Variants in ZC3H11A observed in about 807,000 individuals in gnomAD.
ZC3H11A encodes the protein zinc finger CCCH-type containing 11A, also known as zinc finger CCCH domain-containing protein 11A.
Under a neutral mutation model 90.8 loss-of-function variants are expected in ZC3H11A, and 22 were observed. That is an observed-to-expected ratio of 0.24 (90% CI 0.17 to 0.35). ZC3H11A has a LOEUF of 0.35. ZC3H11A is among the 10% of genes least tolerant of loss of function. ZC3H11A has a pLI of 1.00. For missense variants in ZC3H11A, 701 were observed against 964.9 expected, an observed-to-expected ratio of 0.73 and a Z score of 3.62; for synonymous variants, 294 against 339.8, an observed-to-expected ratio of 0.87 and a Z score of 1.48.
intron 8 of ZC3H11A, among the ~76,000 whole-genome samples, 178 bp from the exon 9 acceptor site, chr1:203,831,483 G>T (rs1428238315): frequency 6.6e-6 from 1 of 152,084 alleles, no homozygotes; most frequent in Non-Finnish European, 1.5e-5. Context: ...TCATGCCCAA[G>T]GCTCCCCTCA....
chr1:203,845,490 G>A (rs963754222), intron 12 of ZC3H11A, among the ~76,000 whole-genome samples: 2 of 152,218 alleles, frequency 1.3e-5, no homozygotes, highest in African/African-American at 4.8e-5. Flanking sequence ...GGTTGAAGAT[G>A]CAATTACAGT....
At position 203,840,342 on chromosome 1, in the gene ZC3H11A, T is replaced by C. The variant is rs555764405; in HGVS notation, c.1010T>C (p.Met337Thr). Residue 337 changes from methionine (M) to threonine (T), a missense_variant, in exon 12 of 18, where the codon ATG becomes ACG. This residue lies in a region of ZC3H11A where 530 missense variants were observed against 696.2 expected (regional missense o/e 0.76). Coordinates refer to ENST00000367210, the MANE Select transcript of ZC3H11A (RefSeq NM_001376342.1). ...AAGTCTCTTAAGGAGCGATTAGGCATGTCAGCTGATCCAGATAATGAGGAT... is the reference window on the plus strand; with the variant it reads ...AAGTCTCTTAAGGAGCGATTAGGCACGTCAGCTGATCCAGATAATGAGGAT... ...VSKSLKERLG[M>T]SADPDNEDAT... is the part of the protein sequence containing the mutation. 13 of 1,613,308 alleles carry C rather than the reference T, an allele frequency of 8.1e-6. No homozygotes were observed. The highest frequency in any genetic ancestry group is 1.1e-5 in the Non-Finnish European group (13 of 1,179,540).
intron 12 of ZC3H11A, among the ~76,000 whole-genome samples, chr1:203,845,308 T>TGA (rs1178133676): frequency 9.2e-5 from 14 of 152,330 alleles, no homozygotes; most frequent in Non-Finnish European, 1.6e-4. Context: ...TATGTCACCA[T>TGA]TCATGTTGTA....
intron 4 of ZC3H11A, among the ~76,000 whole-genome samples, chr1:203,821,687 C>G (rs545924693): frequency 6.6e-6 from 1 of 152,152 alleles, no homozygotes; most frequent in Admixed American, 6.5e-5. Context: ...TTCAGGTCCT[C>G]TCAGTGGACA....
intron 4 of ZC3H11A, among the ~76,000 whole-genome samples, chr1:203,822,026 G>A (rs1231655027): frequency 3.9e-5 from 6 of 151,934 alleles, no homozygotes; most frequent in Non-Finnish European, 8.8e-5. Flanking sequence ...CAAAGTCCTG[G>A]GATTACAGGT....
chr1:203,824,002 C>T (rs1197859216), intron 4 of ZC3H11A, among the ~76,000 whole-genome samples: 1 of 152,142 alleles, frequency 6.6e-6, no homozygotes, highest in Non-Finnish European at 1.5e-5. Flanking sequence ...GGCGCCGTGG[C>T]TCATGCCTGT....
chr1:203,799,125 T>C (rs1473229768), intron 1 of ZC3H11A: 1 of 1,520,512 alleles, frequency 6.6e-7, no homozygotes, highest in East Asian at 2.4e-5. Flanking sequence ...TAAAGACTGT[T>C]TGATAACCAA....
chr1:203,848,525 C>A, intron 14 of ZC3H11A, 118 bp downstream of exon 14: 1 of 694,284 alleles, frequency 1.4e-6, no homozygotes, highest in Non-Finnish European at 2.4e-6. Context: ...AACAGTCTTT[C>A]TTTTTACTTA....
intron 4 of ZC3H11A, among the ~76,000 whole-genome samples, chr1:203,827,491 T>G (rs1680920545): frequency 6.6e-6 from 1 of 151,814 alleles, no homozygotes; most frequent in South Asian, 2.1e-4. Context: ...CCATCCTGGC[T>G]AACATGGTAA....
intron 12 of ZC3H11A, among the ~76,000 whole-genome samples, chr1:203,845,201 G>C (rs903496871): frequency 1.3e-5 from 2 of 152,154 alleles, no homozygotes; most frequent in African/African-American, 4.8e-5. Context: ...TGCTCTGCCA[G>C]TGACATCCTT....
At chr1:203,804,387 C>T (rs11240537) in intron 2 of ZC3H11A, among the ~76,000 whole-genome samples, 27,185 of 151,678 alleles carry the variant, frequency 0.18, 2,570 homozygotes, top group Middle Eastern at 0.25. Context: ...CTCCTGACCT[C>T]GTGATCCGCC....
At chr1:203,843,833 T>A (rs932591659) in intron 12 of ZC3H11A, among the ~76,000 whole-genome samples, 1 of 152,196 alleles carries the variant, frequency 6.6e-6, no homozygotes, top group African/African-American at 2.4e-5. Context: ...TTCTCTTATT[T>A]TTTTTTCTTT....
chr1:203,815,676 C>T (rs1393836375), intron 2 of ZC3H11A, among the ~76,000 whole-genome samples: 1 of 152,114 alleles, frequency 6.6e-6, no homozygotes, highest in East Asian at 1.9e-4. Flanking sequence ...CAGTGTCAGA[C>T]TCTTAATCCA....
chr1:203,816,451 C>T (rs1171517655), intron 2 of ZC3H11A, among the ~76,000 whole-genome samples: 3 of 152,020 alleles, frequency 2.0e-5, no homozygotes, highest in Non-Finnish European at 4.4e-5. Flanking sequence ...TAGCAAGATC[C>T]TGTCTTTACA....
rs141153166 is a variant in ZC3H11A at position 203,840,354 on chromosome 1, C to T, written c.1022C>T (p.Pro341Leu). The T allele has an allele frequency of 4.6e-4, 740 of 1,612,988 alleles. 3 individuals carry two copies. In the African/African-American group the frequency reaches 8.7e-3, roughly 19 times the overall value. The change falls in exon 12 of 18, where the codon CCA becomes CTA. Residue 341 changes from proline to leucine, a missense_variant. This residue lies in a region of ZC3H11A where 530 missense variants were observed against 696.2 expected (regional missense o/e 0.76). Coordinates refer to ENST00000367210, the MANE Select transcript of ZC3H11A (RefSeq NM_001376342.1). ...LKERLGMSADPDNEDATDKVN... is the reference protein window; with the variant it reads ...LKERLGMSADLDNEDATDKVN... ...GAGCGATTAGGCATGTCAGCTGATC[C>T]AGATAATGAGGATGCAACAGGTAAG...
At chr1:203,815,217 T>TTTTC (rs1491122967) in intron 2 of ZC3H11A, among the ~76,000 whole-genome samples, 1 of 5,838 alleles carries the variant, frequency 1.7e-4, no homozygotes, top group Admixed American at 4.0e-3. Context: ...TTTTCTTTTC[T>TTTTC]TTTTTTTTTT....
intron 1 of ZC3H11A, chr1:203,797,333 G>C (rs952237284): frequency 1.3e-5 from 7 of 520,492 alleles, no homozygotes; most frequent in Non-Finnish European, 2.3e-5. Context: ...AAAGAGTTCG[G>C]GAATGTTCTC....
intron 12 of ZC3H11A, among the ~76,000 whole-genome samples, chr1:203,842,701 T>G (rs1019024929): frequency 1.3e-5 from 2 of 151,256 alleles, no homozygotes; most frequent in East Asian, 3.9e-4. Context: ...TGTATGAGAT[T>G]ATTCTAATTT....
intron 9 of ZC3H11A, among the ~76,000 whole-genome samples, 159 bp downstream of exon 9, chr1:203,831,930 A>G (rs1244966919): frequency 6.6e-6 from 1 of 152,240 alleles, no homozygotes; most frequent in Non-Finnish European, 1.5e-5. Flanking sequence ...TTCAACTCTA[A>G]TATTTAAAAG....
Sources: allele counts gnomAD v4.1 joint callset (sites outside exome capture counted in the v4.1 genomes callset), GRCh38; gene constraint gnomAD v4.1.1; regional missense constraint gnomAD v4.1.1; transcripts MANE v1.5; gene names NCBI Gene and HGNC (gene_info 2026-07-23, HGNC 2026-07-21).